SMARCA5: variants seen among roughly 807,000 people sequenced by gnomAD.
The protein encoded by SMARCA5 is SNF2 related chromatin remodeling ATPase 5.
SMARCA5 carries 18 observed loss-of-function variants against 140.4 expected under a neutral mutation model. The observed-to-expected ratio is 0.13, with a 90% CI of 0.09 to 0.19. The LOEUF (loss-of-function observed/expected upper bound fraction) is 0.19. SMARCA5 is among the 10% of genes least tolerant of loss of function. SMARCA5 has a pLI of 1.00. For missense variants in SMARCA5, 606 were observed against 1,276.8 expected, an observed-to-expected ratio of 0.47 and a Z score of 8.01; for synonymous variants, 449 against 419.6, an observed-to-expected ratio of 1.07 and a Z score of -0.86.
chr4:143,535,177 G>A lies in SMARCA5; in HGVS notation c.1268+213G>A, dbSNP rs367562641. Among the ~76,000 whole-genome samples, 8 of 152,128 alleles carry A rather than the reference G, an allele frequency of 5.3e-5. No individual in the cohort carries two copies. In the East Asian group the frequency reaches 1.5e-3, roughly 29 times the overall value. Reference sequence around the variant, plus strand: ...TTAGATGACAGAATCAGGATGGAAGGCTTATGAATCCAAAATTAAAATTGG... The same window carrying A: ...TTAGATGACAGAATCAGGATGGAAGACTTATGAATCCAAAATTAAAATTGG... On this transcript the variant is annotated intron_variant, in intron 10 of 23. Transcript: ENST00000283131.
At position 143,556,347 on chromosome 4, in the gene SMARCA5, C is replaced by T. The variant is rs1003107233; in HGVS notation, c.*3163C>T. 6.6e-6 allele frequency: 1 copy of T among 152,154 alleles called. No homozygotes were observed. Among genetic ancestry groups the T allele is most frequent in the Non-Finnish European group, 1.5e-5 (1 of 68,034 alleles). The allele number at this position is 152,154 out of a possible 1,614,324, so 9.4% of individuals were successfully genotyped here. A position where few individuals can be genotyped will look rare whatever the true frequency, so the allele number is the denominator to read the frequency against. On this transcript the variant is annotated 3_prime_UTR_variant, in exon 24 of 24. Coordinates refer to ENST00000283131, the MANE Select transcript of SMARCA5 (RefSeq NM_003601.4). ...CGATCTTAAAAAGCATTGTAAAACACCCCTGTGGTTTTTCAGAAAAATTCT... is the reference window on the plus strand; with the variant it reads ...CGATCTTAAAAAGCATTGTAAAACATCCCTGTGGTTTTTCAGAAAAATTCT...
chr4:143,513,834 T>C lies in SMARCA5; in HGVS notation c.-91T>C. 7.1e-7 allele frequency: 1 copy of C among 1,404,198 alleles called. No homozygotes were observed. The highest frequency in any genetic ancestry group is 1.3e-5 in the South Asian group (1 of 75,216). 87.0% of individuals were successfully genotyped at this position (1,404,198 alleles called of 1,614,324 possible). On this transcript the variant is annotated 5_prime_UTR_variant, in exon 1 of 24. Transcript: ENST00000283131. ...TGGGAGTCTCGCTCCTCCACCAGTT[T>C]ATTGCGACGTAGCATCCAGGCCTAG...
At position 143,540,263 on chromosome 4, in the gene SMARCA5, A is replaced by C. The variant is rs562427244; in HGVS notation, c.1771-100A>C. 96 of 901,194 alleles carry C rather than the reference A, an allele frequency of 1.1e-4. 1 individual carries two copies. In the South Asian group the frequency reaches 2.1e-3, roughly 20 times the overall value. 55.8% of individuals were successfully genotyped at this position (901,194 alleles called of 1,614,324 possible). On this transcript the variant is annotated intron_variant, in intron 13 of 23. Coordinates refer to ENST00000283131, the MANE Select transcript of SMARCA5 (RefSeq NM_003601.4). Reference sequence around the variant, plus strand: ...GTTATTACAAATTTTTAAAAGTTTTATATTTCAGAATATTTTAATTTTTTT... The same window carrying C: ...GTTATTACAAATTTTTAAAAGTTTTCTATTTCAGAATATTTTAATTTTTTT...
chr4:143,530,098 G>A (rs1018400700), intron 8 of SMARCA5, among the ~76,000 whole-genome samples: 9 of 152,150 alleles, frequency 5.9e-5, no homozygotes, highest in East Asian at 1.9e-4. Context: ...TGAGTAGTGC[G>A]AATGGTCTCA....
chr4:143,530,602 T>G (rs1245218515), intron 9 of SMARCA5, 76 bp downstream of exon 9: 7 of 992,874 alleles, frequency 7.1e-6, no homozygotes, highest in Non-Finnish European at 1.1e-5. Context: ...TAGATTATTT[T>G]CCTGTTAATA....
chr4:143,553,326 T>C lies in SMARCA5; in HGVS notation c.*142T>C, dbSNP rs1476756106. On this transcript the variant is annotated 3_prime_UTR_variant, in exon 24 of 24. Transcript: ENST00000283131. Reference sequence around the variant, plus strand: ...TCTGTTTACTGAGCTAGAAACATAGTATGTAGTTTCACTTTTTTAAATGCA... The same window carrying C: ...TCTGTTTACTGAGCTAGAAACATAGCATGTAGTTTCACTTTTTTAAATGCA... 1 of 572,094 alleles carries C rather than the reference T, an allele frequency of 1.7e-6. No individual in the cohort carries two copies. The highest frequency in any genetic ancestry group is 3.1e-6 in the Non-Finnish European group (1 of 324,512). 35.4% of individuals were successfully genotyped at this position (572,094 alleles called of 1,614,324 possible).
At chr4:143,541,245 C>T (rs532949913) in intron 14 of SMARCA5, among the ~76,000 whole-genome samples, 2 of 152,234 alleles carry the variant, frequency 1.3e-5, no homozygotes, top group South Asian at 4.1e-4. Flanking sequence ...GGGTGGGAAA[C>T]TTAATAATTT....
At chr4:143,524,522 G>A (rs917642355) in intron 4 of SMARCA5, 55 bp downstream of exon 4, 141 of 1,159,146 alleles carry the variant, frequency 1.2e-4, no homozygotes, top group Admixed American at 1.3e-4. Flanking sequence ...ATCTCCTTTG[G>A]TTAATGTTTT....
At chr4:143,517,488 T>A in intron 2 of SMARCA5, 59 bp downstream of exon 2, 1 of 995,110 alleles carries the variant, frequency 1.0e-6, no homozygotes, top group Non-Finnish European at 1.5e-6. Flanking sequence ...GGTGATTAAA[T>A]GTACTAAACA....
chr4:143,535,065 C>T lies in SMARCA5; in HGVS notation c.1268+101C>T, dbSNP rs1055937736. 5.3e-6 allele frequency: 4 copies of T among 753,272 alleles called. No individual in the cohort carries two copies. In the African/African-American group the frequency reaches 5.4e-5, roughly 10 times the overall value. 46.7% of individuals were successfully genotyped at this position (753,272 alleles called of 1,614,324 possible). A position where few individuals can be genotyped will look rare whatever the true frequency, so the allele number is the denominator to read the frequency against. Reference sequence around the variant, plus strand: ...TGTGTCTTCATGGAATTCCAATTTGCTGGATTGAACTCAACCTGAAAAGAG... The same window carrying T: ...TGTGTCTTCATGGAATTCCAATTTGTTGGATTGAACTCAACCTGAAAAGAG... On this transcript the variant is annotated intron_variant, in intron 10 of 23. Coordinates refer to ENST00000283131, the MANE Select transcript of SMARCA5 (RefSeq NM_003601.4).
At chr4:143,546,748 T>G (rs1203333550) in intron 19 of SMARCA5, 28 bp from the exon 20 acceptor site, 1 of 1,595,436 alleles carries the variant, frequency 6.3e-7, no homozygotes, top group Admixed American at 1.7e-5. Flanking sequence ...GTGCTGTGAT[T>G]AAATATTTTG....
In SMARCA5 at chr4:143,546,026, A is replaced by G; in HGVS notation, c.2499A>G (p.Glu833=). The change falls in exon 19 of 24, where the codon GAA becomes GAG. Residue 833 remains glutamate (E), a synonymous_variant. Transcript: ENST00000283131. ...CCCTTAATGATGAAGAGTTAGAGGA[A>G]AAAGAGAAGCTTCTAACACAGGTAT... ...AESLNDEELE[E]KEKLLTQGFT... 1 of 1,602,960 alleles carries G rather than the reference A, an allele frequency of 6.2e-7. No individual in the cohort carries two copies. Among genetic ancestry groups the G allele is most frequent in the Non-Finnish European group, 8.5e-7 (1 of 1,176,412 alleles).
At chr4:143,534,751 C>T (rs1215396899) in intron 9 of SMARCA5, 104 bp from the exon 10 acceptor site, 2 of 733,336 alleles carry the variant, frequency 2.7e-6, no homozygotes, top group Non-Finnish European at 4.2e-6. Flanking sequence ...GATACTCACG[C>T]AGAGAAATTT....
chr4:143,532,748 A>G (rs1328009664), intron 9 of SMARCA5, among the ~76,000 whole-genome samples: 1 of 148,840 alleles, frequency 6.7e-6, no homozygotes, highest in Non-Finnish European at 1.5e-5. Flanking sequence ...CCCACCTCCA[A>G]AACACTTCAT....
At chr4:143,541,210 T>C (rs1175694760) in intron 14 of SMARCA5, among the ~76,000 whole-genome samples, 2 of 152,206 alleles carry the variant, frequency 1.3e-5, no homozygotes, top group African/African-American at 4.8e-5. Flanking sequence ...AAGTTGATGA[T>C]GGGAAATATA....
At position 143,525,564 on chromosome 4, in the gene SMARCA5, A is replaced by G. The variant is rs1182532806; in HGVS notation, c.621+13A>G. 6.5e-7 allele frequency: 1 copy of G among 1,546,602 alleles called. No individual in the cohort carries two copies. The highest frequency in any genetic ancestry group is 1.1e-5 in the South Asian group (1 of 89,694). ...TGCAGATGAAATGGTATGTGTTGGTAGTTTTTTTTGAAGGGTATGTTTTGT... is the reference window on the plus strand; with the variant it reads ...TGCAGATGAAATGGTATGTGTTGGTGGTTTTTTTTGAAGGGTATGTTTTGT... On this transcript the variant is annotated intron_variant, in intron 5 of 23. Transcript: ENST00000283131.
intron 23 of SMARCA5, 63 bp downstream of exon 23, chr4:143,550,167 C>A: frequency 1.2e-6 from 1 of 859,648 alleles, no homozygotes; most frequent in Non-Finnish European, 1.8e-6. Context: ...AAGTATTTAA[C>A]ACTGCTTGGC....
Position 143,513,832 on chromosome 4 carries a change from T to G in SMARCA5, c.-93T>G. 1.4e-6 allele frequency: 2 copies of G among 1,393,064 alleles called. No individual in the cohort carries two copies. The highest frequency in any genetic ancestry group is 1.9e-6 in the Non-Finnish European group (2 of 1,040,474). The allele number at this position is 1,393,064 out of a possible 1,614,324, so 86.3% of individuals were successfully genotyped here. A position where few individuals can be genotyped will look rare whatever the true frequency, so the allele number is the denominator to read the frequency against. ...GGTGGGAGTCTCGCTCCTCCACCAG[T>G]TTATTGCGACGTAGCATCCAGGCCT... On this transcript the variant is annotated 5_prime_UTR_variant, in exon 1 of 24. Coordinates refer to ENST00000283131, the MANE Select transcript of SMARCA5 (RefSeq NM_003601.4).
At position 143,545,962 on chromosome 4, in the gene SMARCA5, C is replaced by T; in HGVS notation, c.2435C>T (p.Ala812Val). 6.2e-7 allele frequency: 1 copy of T among 1,608,308 alleles called. No individual in the cohort carries two copies. The highest frequency in any genetic ancestry group is 1.1e-5 in the South Asian group (1 of 90,550). ...CCTGAGCTGCCTAATGCAGCACAGG[C>T]ACAAAAAGAAGAACAGCTTAAAATT... ...RNPELPNAAQAQKEEQLKIDE... is the reference protein window; with the variant it reads ...RNPELPNAAQVQKEEQLKIDE... The change falls in exon 19 of 24, where the codon GCA (alanine) becomes GTA (valine). Residue 812 changes from alanine to valine, a missense_variant. Transcript: ENST00000283131.
Sources: allele counts gnomAD v4.1 joint callset (sites outside exome capture counted in the v4.1 genomes callset), GRCh38; gene constraint gnomAD v4.1.1; transcripts MANE v1.5; gene names NCBI Gene and HGNC (gene_info 2026-07-23, HGNC 2026-07-21).